Variants in BICRA observed in about 807,000 individuals in gnomAD.
BICRA encodes the protein BRD4-interacting chromatin-remodeling complex-associated protein.
BICRA carries 31 observed loss-of-function variants against 96.9 expected under a neutral mutation model. The observed-to-expected ratio is 0.32, with a 90% CI of 0.24 to 0.43. BICRA has a LOEUF of 0.43. Among genes scored for constraint, BICRA ranks in the 20% least tolerant of loss-of-function variants. The pLI is 1.00. For missense variants in BICRA, 2,283 were observed against 2,190.3 expected, an observed-to-expected ratio of 1.04 and a Z score of -0.84; for synonymous variants, 1,350 against 1,071.8, an observed-to-expected ratio of 1.26 and a Z score of -5.07.
At chr19:47,672,506 G>A (rs80014433) in intron 2 of BICRA, among the ~76,000 whole-genome samples, 1 of 151,952 alleles carries the variant, frequency 6.6e-6, no homozygotes, top group East Asian at 1.9e-4. Flanking sequence ...AGCTTTGGAG[G>A]GAGGGTTGGC....
At chr19:47,629,577 C>T (rs1476918195) in intron 1 of BICRA, among the ~76,000 whole-genome samples, 2 of 152,196 alleles carry the variant, frequency 1.3e-5, no homozygotes, top group African/African-American at 4.8e-5. Context: ...ATTTATCTGT[C>T]GATGAACACA....
intron 7 of BICRA, among the ~76,000 whole-genome samples, chr19:47,685,738 C>CCT (rs1491199631): frequency 1.0e-5 from 1 of 97,762 alleles, no homozygotes; most frequent in Admixed American, 9.7e-5. Flanking sequence ...GATTTGGCAG[C>CCT]CTCTGTGTGT....
At chr19:47,616,651 A>G (rs1287482938) in intron 1 of BICRA, among the ~76,000 whole-genome samples, 2 of 151,164 alleles carry the variant, frequency 1.3e-5, no homozygotes, top group Non-Finnish European at 3.0e-5. Context: ...AAAAAAAAAA[A>G]GGAAGACAAT....
At position 47,698,999 on chromosome 19, in the gene BICRA, G is replaced by A. The variant is rs1384087123; in HGVS notation, c.3432G>A (p.Leu1144=). The A allele has an allele frequency of 6.3e-7, 1 of 1,587,780 alleles. No homozygotes were observed. The highest frequency in any genetic ancestry group is 1.2e-5 in the South Asian group (1 of 86,834). ...AGTTTGAGACGGTCTCCACGCAGCT[G>A]CTGAAACGCACCCAGGCCATGCTCA... ...DEEFETVSTQ[L]LKRTQAMLNK... The change falls in exon 13 of 15, where the codon CTG becomes CTA. Residue 1144 remains leucine, a synonymous_variant. Coordinates refer to ENST00000594866, the MANE Select transcript of BICRA (RefSeq NM_001394372.1). The surrounding 1 kb of genome is among the most constrained non-coding windows in gnomAD (Gnocchi z 4.8).
chr19:47,660,024 T>C (rs1409453325), intron 1 of BICRA, among the ~76,000 whole-genome samples: 1 of 152,208 alleles, frequency 6.6e-6, no homozygotes, highest in Non-Finnish European at 1.5e-5. Flanking sequence ...GAAACTTACA[T>C]GTACATTAGT....
At position 47,680,670 on chromosome 19, in the gene BICRA, C is replaced by T. The variant is rs776296961; in HGVS notation, c.1500C>T (p.Ala500=). The change falls in exon 6 of 15, where the codon GCC becomes GCT. Residue 500 remains alanine, a synonymous_variant. Transcript: ENST00000594866. ...PANVGGQILA[A]AAPHTGGQLI... ...ACGTGGGCGGGCAGATCCTGGCGGC[C>T]GCTGCCCCCCACACAGGTGGACAGC... is the stretch of plus-strand genomic sequence containing the variant. 2 of 1,605,326 alleles carry T rather than the reference C, an allele frequency of 1.2e-6. No homozygotes were observed. Among genetic ancestry groups the T allele is most frequent in the South Asian group, 1.1e-5 (1 of 90,194 alleles).
chr19:47,620,729 C>T (rs895721021), intron 1 of BICRA, among the ~76,000 whole-genome samples: 9 of 150,476 alleles, frequency 6.0e-5, no homozygotes, highest in African/African-American at 2.2e-4. Context: ...ACCAGGGATG[C>T]TTGTGAAAAA....
At chr19:47,678,939 C>T (rs541287063) in intron 5 of BICRA, 4 of 209,620 alleles carry the variant, frequency 1.9e-5, no homozygotes, top group Admixed American at 6.0e-5. Context: ...GCCCTGTCAC[C>T]GAGGCTGGAG....
Position 47,698,586 on chromosome 19 carries a change from T to TCC in BICRA, c.3249-42_3249-41dup. On this transcript the variant is annotated intron_variant, in intron 11 of 14. Coordinates refer to ENST00000594866, the MANE Select transcript of BICRA (RefSeq NM_001394372.1). This position sits in a 1 kb window ranked among gnomAD's most constrained non-coding sequence, Gnocchi z 4.8. The stretch of plus-strand genomic sequence containing the variant: ...AGGGACTTCCCCTGGCCCTCACCCG[T>TCC]CCCCCCCACCCTCCGCCGTGTGTGG... 6 of 716,702 alleles carry TCC rather than the reference T, an allele frequency of 8.4e-6. No individual in the cohort carries two copies. The highest frequency in any genetic ancestry group is 1.3e-5 in the Non-Finnish European group (5 of 392,840). 44.4% of individuals were successfully genotyped at this position (716,702 alleles called of 1,614,324 possible). A position where few individuals can be genotyped will look rare whatever the true frequency, so the allele number is the denominator to read the frequency against.
Position 47,702,007 on chromosome 19 carries a change from C to G in BICRA, c.4275C>G (p.Thr1425=), listed in dbSNP as rs1206914424. The G allele has an allele frequency of 6.7e-7, 1 of 1,488,528 alleles. No homozygotes were observed. The highest frequency in any genetic ancestry group is 1.5e-5 in the African/African-American group (1 of 68,142). 92.2% of individuals were successfully genotyped at this position (1,488,528 alleles called of 1,614,324 possible). A position where few individuals can be genotyped will look rare whatever the true frequency, so the allele number is the denominator to read the frequency against. ...APLPAKVDEA[T]SGLIRELAAV... ...TGCCCGCCAAAGTGGACGAGGCCAC[C>G]AGCGGGCTCATCCGCGAGCTGGCGG... The change falls in exon 15 of 15, where the codon ACC becomes ACG. Residue 1425 remains threonine, a synonymous_variant. Transcript: ENST00000594866.
chr19:47,666,493 T>TC (rs1972781299), intron 1 of BICRA, among the ~76,000 whole-genome samples: 3 of 152,060 alleles, frequency 2.0e-5, no homozygotes, highest in Admixed American at 1.3e-4. Flanking sequence ...ACCAGGCTGG[T>TC]CTTGAACTCC....
Position 47,701,246 on chromosome 19 carries a change from G to A in BICRA, c.3596-82G>A. ...GTCTGGTGCCTGGCAGGTAGTAGGT[G>A]CTCACTGCACACAGCTCCTCCCAGC... On this transcript the variant is annotated intron_variant, in intron 14 of 14. Coordinates refer to ENST00000594866, the MANE Select transcript of BICRA (RefSeq NM_001394372.1). The surrounding 1 kb of genome is among the most constrained non-coding windows in gnomAD (Gnocchi z 5.4). 5 of 919,582 alleles carry A rather than the reference G, an allele frequency of 5.4e-6. No individual in the cohort carries two copies. Among genetic ancestry groups the A allele is most frequent in the Non-Finnish European group, 8.6e-6 (5 of 582,666 alleles). 57.0% of individuals were successfully genotyped at this position (919,582 alleles called of 1,614,324 possible). A position where few individuals can be genotyped will look rare whatever the true frequency, so the allele number is the denominator to read the frequency against.
intron 1 of BICRA, among the ~76,000 whole-genome samples, chr19:47,625,034 CTG>C (rs905429898): frequency 8.3e-6 from 1 of 121,040 alleles, no homozygotes; most frequent in Non-Finnish European, 1.6e-5. Flanking sequence ...GAGTCTCACT[CTG>C]TTGCCCAGGG....
At chr19:47,678,783 G>A (rs956331962) in intron 5 of BICRA, among the ~76,000 whole-genome samples, 1 of 151,970 alleles carries the variant, frequency 6.6e-6, no homozygotes, top group Non-Finnish European at 1.5e-5. Context: ...AGAAACTGAG[G>A]TCAGATCAAG....
At chr19:47,683,904 G>A (rs1021725362) in intron 7 of BICRA, among the ~76,000 whole-genome samples, 1 of 152,144 alleles carries the variant, frequency 6.6e-6, no homozygotes, top group Non-Finnish European at 1.5e-5. Context: ...TTCTAGAGCA[G>A]TGAATGTGGT....
At chr19:47,667,105 G>A (rs151148174) in intron 1 of BICRA, among the ~76,000 whole-genome samples, 2,948 of 148,838 alleles carry the variant, frequency 0.02, 83 homozygotes, top group African/African-American at 0.066. Context: ...TGCAACCTCC[G>A]CCTCCCGGGT....
chr19:47,676,548 C>T (rs1312339250), intron 5 of BICRA, among the ~76,000 whole-genome samples: 1 of 118,492 alleles, frequency 8.4e-6, no homozygotes, highest in Admixed American at 8.6e-5. Flanking sequence ...TCACCTTTTC[C>T]TCCCCCCACC....
chr19:47,699,153 G>A lies in BICRA; in HGVS notation c.3492+94G>A, dbSNP rs993305433. 6 of 978,474 alleles carry A rather than the reference G, an allele frequency of 6.1e-6. No individual in the cohort carries two copies. In the African/African-American group the frequency reaches 8.1e-5, roughly 13 times the overall value. The allele number at this position is 978,474 out of a possible 1,614,324, so 60.6% of individuals were successfully genotyped here. A position where few individuals can be genotyped will look rare whatever the true frequency, so the allele number is the denominator to read the frequency against. ...CGCTCTGGGCAAGGTGGAGCCTCCC[G>A]CCCCTCCTAGCCCCGGGAGGGAGGT... On this transcript the variant is annotated intron_variant, in intron 13 of 14. Coordinates refer to ENST00000594866, the MANE Select transcript of BICRA (RefSeq NM_001394372.1). The surrounding 1 kb of genome is among the most constrained non-coding windows in gnomAD (Gnocchi z 5.0).
In BICRA at chr19:47,702,326, C is replaced by T. The variant is rs757563464; in HGVS notation, c.4594C>T (p.Pro1532Ser). The stretch of plus-strand genomic sequence containing the variant: ...CCCCCACGCTGCCTCGGCCGGCACC[C>T]CCGCATCCCCGCCGCCCCTGCACAG... ...SYPHAASAGT[P>S]ASPPPLHRPE... The change falls in exon 15 of 15, where the codon CCC (proline) becomes TCC (serine). Residue 1532 changes from proline to serine, a missense_variant. Coordinates refer to ENST00000594866, the MANE Select transcript of BICRA (RefSeq NM_001394372.1). The T allele has an allele frequency of 2.6e-6, 4 of 1,553,548 alleles. No homozygotes were observed. Among genetic ancestry groups the T allele is most frequent in the Non-Finnish European group, 2.6e-6 (3 of 1,158,912 alleles).
Sources: gnomAD v4.1 joint callset for allele counts (sites outside exome capture counted in the v4.1 genomes callset) on GRCh38, gnomAD v4.1.1 for gene constraint, Gnocchi (gnomAD v3.1) non-coding constraint, MANE v1.5 for transcripts, NCBI Gene and HGNC (gene_info 2026-07-23, HGNC 2026-07-21) for gene names.